PTPRD: variants seen among roughly 807,000 people sequenced by gnomAD.
PTPRD encodes the protein receptor-type tyrosine-protein phosphatase delta.
A neutral mutation model predicts 214.5 loss-of-function variants in PTPRD; 34 were observed. The observed-to-expected ratio is 0.16, with a 90% CI of 0.12 to 0.21. The LOEUF (loss-of-function observed/expected upper bound fraction) is 0.21, where lower values mean the gene tolerates loss of function less well. Among genes scored for constraint, PTPRD ranks in the 10% least tolerant of loss-of-function variants. The probability of loss-of-function intolerance (pLI) is 1.00; values close to 1 mark genes in which losing one functional copy is unlikely to be tolerated. For missense variants in PTPRD, 2,545 were observed against 2,398.7 expected (o/e 1.06, Z -1.27); for synonymous variants, 1,128 against 845.7 (o/e 1.33, Z -5.79).
chr9:8,486,521 C>A (rs902334114), intron 27 of PTPRD, 172 bp from the exon 28 acceptor site: 2 of 731,282 alleles, frequency 2.7e-6, no homozygotes, highest in South Asian at 1.4e-5. Context: ...TGCTCCTTGT[C>A]TTACTTTATT....
At chr9:8,719,014 T>C (rs2098465042) in intron 12 of PTPRD, among the ~76,000 whole-genome samples, 1 of 152,222 alleles carries the variant, frequency 6.6e-6, no homozygotes, top group Non-Finnish European at 1.5e-5. Flanking sequence ...TGTGCTTTTA[T>C]TTGCCTTTAT....
Position 8,337,687 on chromosome 9 carries a change from G to A in PTPRD, c.5379+1235C>T, listed in dbSNP as rs533406433. 3.0e-4 allele frequency among the ~76,000 whole-genome samples: 46 copies of A among 151,906 alleles called. No individual in the cohort carries two copies. The South Asian group carries it at 9.0e-3, about 30-fold the overall frequency. On this transcript the variant is annotated intron_variant, in intron 43 of 45. Coordinates refer to ENST00000381196, the MANE Select transcript of PTPRD (RefSeq NM_002839.4). ...AAAAAAAAAAAGGTGAGCAACTTCC[G>A]GTTTCAATCTTCTTTTGTTTATTGT...
intron 3 of PTPRD, among the ~76,000 whole-genome samples, chr9:10,258,615 A>G (rs1046809632): frequency 6.6e-6 from 1 of 152,202 alleles, no homozygotes; most frequent in African/African-American, 2.4e-5. Context: ...TCATCTGAAT[A>G]CTCACTGCTG....
intron 3 of PTPRD, among the ~76,000 whole-genome samples, chr9:10,051,314 C>T (rs1241717778): frequency 6.6e-6 from 1 of 152,020 alleles, no homozygotes; most frequent in African/African-American, 2.4e-5. Context: ...GAAATAGTAA[C>T]CAGTACTCAT....
At position 8,771,819 on chromosome 9, in the gene PTPRD, T is replaced by TA. The variant is rs557495942; in HGVS notation, c.-103-37874dup. 4.0e-3 allele frequency among the ~76,000 whole-genome samples: 577 copies of TA among 143,028 alleles called. 1 individual carries two copies. Among genetic ancestry groups the TA allele is most frequent in the African/African-American group, 9.5e-3 (373 of 39,100 alleles). The allele number at this position is 143,028 out of a possible 152,430, so 93.8% of individuals were successfully genotyped here. A position where few individuals can be genotyped will look rare whatever the true frequency, so the allele number is the denominator to read the frequency against. On this transcript the variant is annotated intron_variant, in intron 11 of 45. Transcript: ENST00000381196. ...CACAGCTGTGACCTGTGCATGGCTT[T>TA]AAAAAAAAAAAAAAAATTCAGCCAT...
At chr9:9,732,399 G>T (rs2098213418) in intron 7 of PTPRD, among the ~76,000 whole-genome samples, 1 of 152,082 alleles carries the variant, frequency 6.6e-6, no homozygotes, top group African/African-American at 2.4e-5. Context: ...TCACCTGGTA[G>T]TATATTAAGA....
At chr9:9,707,299 A>G (rs1488296672) in intron 7 of PTPRD, among the ~76,000 whole-genome samples, 5 of 152,190 alleles carry the variant, frequency 3.3e-5, no homozygotes, top group Admixed American at 2.0e-4. Context: ...CAGCCTATCT[A>G]TTTTGGGGCC....
chr9:9,371,923 TTGAG>T (rs1483247355), intron 9 of PTPRD, among the ~76,000 whole-genome samples: 2 of 152,320 alleles, frequency 1.3e-5, no homozygotes, highest in East Asian at 3.9e-4. Context: ...TTGAGCAGTT[TTGAG>T]TGAGTTTCTT....
At chr9:10,134,939 T>C (rs1020813300) in intron 3 of PTPRD, among the ~76,000 whole-genome samples, 1 of 152,006 alleles carries the variant, frequency 6.6e-6, no homozygotes, top group African/African-American at 2.4e-5. Context: ...GGAAGCTCAA[T>C]AAGATTCAGG....
chr9:9,356,648 T>G (rs553964979), intron 9 of PTPRD, among the ~76,000 whole-genome samples: 3 of 151,486 alleles, frequency 2.0e-5, no homozygotes, highest in Non-Finnish European at 4.4e-5. Context: ...AGGTTAATTA[T>G]GTTTATCAGA....
intron 3 of PTPRD, among the ~76,000 whole-genome samples, chr9:10,216,390 T>G (rs1384168485): frequency 6.6e-6 from 1 of 151,950 alleles, no homozygotes; most frequent in Non-Finnish European, 1.5e-5. Context: ...CTTTATTATT[T>G]TTATTAAACT....
In PTPRD at chr9:9,227,330, G is replaced by A. The variant is rs761320027; in HGVS notation, c.-202-43967C>T. On this transcript the variant is annotated intron_variant, in intron 9 of 45. Coordinates refer to ENST00000381196, the MANE Select transcript of PTPRD (RefSeq NM_002839.4). ...TATTTGCACGGTATGGGAGAAGACCGAGATTCTTTATTTTTCTCCTCTAAT... is the reference window on the plus strand; with the variant it reads ...TATTTGCACGGTATGGGAGAAGACCAAGATTCTTTATTTTTCTCCTCTAAT... Among the ~76,000 whole-genome samples, 14 of 152,166 alleles carry A rather than the reference G, an allele frequency of 9.2e-5. No homozygotes were observed. In the South Asian group the frequency reaches 1.0e-3, roughly 11 times the overall value.
At chr9:10,438,013 A>ATATATATATATATATATATATATATAT in intron 2 of PTPRD, among the ~76,000 whole-genome samples, 1 of 120,116 alleles carries the variant, frequency 8.3e-6, no homozygotes, top group African/African-American at 6.0e-5. Context: ...GTCTACATAT[A>ATATATATATATATATATATATATATAT]TATATATATA....
intron 43 of PTPRD, among the ~76,000 whole-genome samples, chr9:8,337,630 C>G (rs898581062): frequency 2.6e-5 from 4 of 151,316 alleles, no homozygotes; most frequent in African/African-American, 9.7e-5. Context: ...AATGTAGTAG[C>G]TAAGAAAATT....
intron 39 of PTPRD, among the ~76,000 whole-genome samples, chr9:8,348,099 C>A (rs1025088192): frequency 1.3e-5 from 2 of 152,096 alleles, no homozygotes; most frequent in Admixed American, 1.3e-4. Context: ...TAACAGAAAG[C>A]CATCGGCTGA....
At chr9:9,750,165 G>A (rs748205187) in intron 6 of PTPRD, among the ~76,000 whole-genome samples, 11 of 151,988 alleles carry the variant, frequency 7.2e-5, no homozygotes, top group Non-Finnish European at 5.9e-5. Context: ...TCTCTCTAGC[G>A]CATATCCTAA....
At chr9:10,379,673 T>C (rs2097785328) in intron 2 of PTPRD, among the ~76,000 whole-genome samples, 1 of 152,082 alleles carries the variant, frequency 6.6e-6, no homozygotes, top group African/African-American at 2.4e-5. Context: ...GAATATTTCC[T>C]TAAAAAGTAT....
chr9:9,575,664 G>A (rs984094672), intron 7 of PTPRD, among the ~76,000 whole-genome samples: 6 of 125,298 alleles, frequency 4.8e-5, no homozygotes, highest in Admixed American at 2.0e-4. Flanking sequence ...AGGTTGCAGT[G>A]AGCCAAGATC....
intron 3 of PTPRD, among the ~76,000 whole-genome samples, chr9:10,100,823 G>T (rs992543288): frequency 6.6e-6 from 1 of 151,354 alleles, no homozygotes; most frequent in African/African-American, 2.4e-5. Flanking sequence ...TTTTGTAGAA[G>T]AGAAAATTGA....
Sources: allele counts gnomAD v4.1 joint callset (sites outside exome capture counted in the v4.1 genomes callset), GRCh38; gene constraint gnomAD v4.1.1; transcripts MANE v1.5; gene names NCBI Gene and HGNC (gene_info 2026-07-23, HGNC 2026-07-21).